The following GLDC variants were observed in gnomAD, a reference collection of about 807,000 sequenced individuals.
GLDC encodes glycine decarboxylase, also known as glycine dehydrogenase (decarboxylating), mitochondrial.
Under a neutral mutation model 121.3 loss-of-function variants are expected in GLDC, and 104 were observed. That is an observed-to-expected ratio of 0.86 (90% CI 0.73 to 1.01). The LOEUF (loss-of-function observed/expected upper bound fraction) is 1.01, where lower values mean the gene tolerates loss of function less well. GLDC is among the 50% of genes least tolerant of loss of function. The pLI, the probability that GLDC is intolerant of heterozygous loss-of-function variation, is 0.00. For synonymous variants in GLDC, 546 were observed against 480.6 expected (o/e 1.14, Z -1.78); for missense variants, 1,429 against 1,306.6 (o/e 1.09, Z -1.44).
chr9:6,638,493 G>A (rs537801999), intron 2 of GLDC, among the ~76,000 whole-genome samples: 1 of 152,242 alleles, frequency 6.6e-6, no homozygotes, highest in East Asian at 1.9e-4. Context: ...GGGATTATGG[G>A]CGTGAGTCAC....
chr9:6,532,820 A>G lies in GLDC; in HGVS notation c.*197T>C. 1.7e-6 allele frequency: 1 copy of G among 598,468 alleles called. No individual in the cohort carries two copies. Among genetic ancestry groups the G allele is most frequent in the Non-Finnish European group, 3.0e-6 (1 of 333,088 alleles). 37.1% of individuals were successfully genotyped at this position (598,468 alleles called of 1,614,324 possible). A position where few individuals can be genotyped will look rare whatever the true frequency, so the allele number is the denominator to read the frequency against. ...GGCACATGTGGAAGCAGAATACCAA[A>G]GCAAATCCGTCTTCCAACCATCAGC... On this transcript the variant is annotated 3_prime_UTR_variant, in exon 25 of 25. Coordinates refer to ENST00000321612, the MANE Select transcript of GLDC (RefSeq NM_000170.3).
At position 6,592,926 on chromosome 9, in the gene GLDC, A is replaced by G. The variant is rs775211390; in HGVS notation, c.1326T>C (p.Cys442=). The change falls in exon 10 of 25, where the codon TGT becomes TGC. Residue 442 remains cysteine (C), a synonymous_variant. Transcript: ENST00000321612. ...DLFFDTLKIQ[C]GCSVKEVLGR... is the part of the protein sequence containing the mutation. ...CCAAGACCTCCTTCACTGAGCAGCC[A>G]CACTGAATCTTCAAGGTATCAAAGA... 1.9e-6 allele frequency: 3 copies of G among 1,614,012 alleles called. No homozygotes were observed. The East Asian group carries it at 6.7e-5, about 36-fold the overall frequency.
At chr9:6,564,025 A>G (rs1348608402) in intron 16 of GLDC, among the ~76,000 whole-genome samples, 1 of 152,080 alleles carries the variant, frequency 6.6e-6, no homozygotes, top group African/African-American at 2.4e-5. Flanking sequence ...GGGCGGGTGG[A>G]TCACCTGAGG....
intron 23 of GLDC, among the ~76,000 whole-genome samples, chr9:6,535,089 T>G: frequency 6.6e-6 from 1 of 152,208 alleles, no homozygotes; most frequent in East Asian, 1.9e-4. Context: ...CCCATCCCAG[T>G]GCTAACCACT....
chr9:6,601,279 C>T (rs1313082071), intron 8 of GLDC, among the ~76,000 whole-genome samples: 1 of 152,210 alleles, frequency 6.6e-6, no homozygotes, highest in Non-Finnish European at 1.5e-5. Flanking sequence ...GCTTTGCCTT[C>T]CTCAACCCAT....
rs201758383 is a variant in GLDC at position 6,588,681 on chromosome 9, A to G, written c.1602T>C (p.Ile534=). ...VFNSYHSETN[I]VRYMKKLENK... The stretch of plus-strand genomic sequence containing the variant: ...TTTCCAGTTTCTTCATGTACCGGAC[A>G]ATGTTTGTTTCAGAGTGGTAGCTGT... Residue 534 remains isoleucine, a synonymous_variant, in exon 13 of 25, where the codon ATT becomes ATC. Coordinates refer to ENST00000321612, the MANE Select transcript of GLDC (RefSeq NM_000170.3). 6.2e-7 allele frequency: 1 copy of G among 1,613,358 alleles called. No homozygotes were observed. Among genetic ancestry groups the G allele is most frequent in the African/African-American group, 1.3e-5 (1 of 75,026 alleles).
chr9:6,599,720 C>CAAAAAAAAAAAAAAAAAAAAAAAA (rs549444099), intron 8 of GLDC, among the ~76,000 whole-genome samples: 2 of 120,770 alleles, frequency 1.7e-5, no homozygotes, highest in African/African-American at 6.7e-5. Flanking sequence ...GACTCCATCT[C>CAAAAAAAAAAAAAAAAAAAAAAAA]AAAAAAAAAA....
rs1385183318 is a variant in GLDC, at chr9:6,610,203, C to T, written c.624G>A (p.Gln208=). The T allele has an allele frequency of 6.2e-7, 1 of 1,611,404 alleles. No homozygotes were observed. Among genetic ancestry groups the T allele is most frequent in the South Asian group, 1.1e-5 (1 of 90,366 alleles). The change falls in exon 4 of 25, where the codon CAG becomes CAA. Residue 208 remains glutamine (Q), a synonymous_variant. Coordinates refer to ENST00000321612, the MANE Select transcript of GLDC (RefSeq NM_000170.3). Reference sequence around the variant, plus strand: ...GAGAGGCCTCTCACCTGTAGCACAGCTGCAGTGCCTCTGCGGCTGCAGTCC... The same window carrying T: ...GAGAGGCCTCTCACCTGTAGCACAGTTGCAGTGCCTCTGCGGCTGCAGTCC... ...DEGTAAAEAL[Q]LCYRHNKRRK... is the part of the protein sequence containing the mutation.
chr9:6,602,819 T>C (rs1029050994), intron 7 of GLDC, among the ~76,000 whole-genome samples: 3 of 152,102 alleles, frequency 2.0e-5, no homozygotes, highest in Admixed American at 6.5e-5. Flanking sequence ...AAAGTGGAAA[T>C]ATACGACAAA....
intron 15 of GLDC, among the ~76,000 whole-genome samples, chr9:6,583,202 T>G (rs923443639): frequency 1.6e-4 from 24 of 151,932 alleles, no homozygotes; most frequent in Admixed American, 1.2e-3. Context: ...ATCCAAAAAC[T>G]CCACTTCTGA....
intron 23 of GLDC, 118 bp downstream of exon 23, chr9:6,535,946 C>T: frequency 2.2e-6 from 2 of 898,440 alleles, no homozygotes; most frequent in East Asian, 2.4e-5. Context: ...AGAAGAATTA[C>T]CTTATTCTAG....
chr9:6,562,264 T>G (rs1254906132), intron 16 of GLDC, among the ~76,000 whole-genome samples: 1 of 152,190 alleles, frequency 6.6e-6, no homozygotes, highest in East Asian at 1.9e-4. Context: ...AGGCATTCCA[T>G]TTTAGGAACC....
Position 6,554,602 on chromosome 9 carries a change from G to C in GLDC, c.2315+67C>G, listed in dbSNP as rs149068409. 269 of 1,056,288 alleles carry C rather than the reference G, an allele frequency of 2.5e-4. 1 individual carries two copies. In the African/African-American group the frequency reaches 3.7e-3, roughly 14 times the overall value. 65.4% of individuals were successfully genotyped at this position (1,056,288 alleles called of 1,614,324 possible). ...CATGAAGACTTTGATGGGATGAGTA[G>C]TCTATTTAGGGCCACTCCTTCATTC... On this transcript the variant is annotated intron_variant, in intron 19 of 24. Coordinates refer to ENST00000321612, the MANE Select transcript of GLDC (RefSeq NM_000170.3).
At chr9:6,639,178 C>A (rs1587985877) in intron 2 of GLDC, 2 of 806,148 alleles carry the variant, frequency 2.5e-6, no homozygotes, top group East Asian at 4.8e-5. Context: ...CCTGCCCCTC[C>A]TAAAGCCGAA....
At chr9:6,587,743 T>G (rs551155910) in intron 14 of GLDC, among the ~76,000 whole-genome samples, 3 of 152,190 alleles carry the variant, frequency 2.0e-5, no homozygotes, top group African/African-American at 7.2e-5. Context: ...GTGGGAGGAC[T>G]GCTTGAGGCC....
intron 2 of GLDC, among the ~76,000 whole-genome samples, chr9:6,635,259 C>G (rs1819477491): frequency 1.3e-5 from 2 of 152,192 alleles, no homozygotes; most frequent in African/African-American, 2.4e-5. Context: ...CTACATCTGA[C>G]TCTCAATAAG....
chr9:6,617,475 A>AGG (rs1818988514), intron 3 of GLDC, among the ~76,000 whole-genome samples: 1 of 152,130 alleles, frequency 6.6e-6, no homozygotes, highest in African/African-American at 2.4e-5. Context: ...GCTTTTCTTA[A>AGG]GGGGGAAGAG....
Position 6,571,174 on chromosome 9 carries a change from A to T in GLDC, c.1851-5745T>A, listed in dbSNP as rs559042100. ...GTAACTGGAATAGCTACTTTTTTTA[A>T]AAAAAAAAGAAAGAAACTGGCACAA... On this transcript the variant is annotated intron_variant, in intron 15 of 24. Coordinates refer to ENST00000321612, the MANE Select transcript of GLDC (RefSeq NM_000170.3). Among the ~76,000 whole-genome samples, 503 of 151,414 alleles carry T rather than the reference A, an allele frequency of 3.3e-3. 8 individuals carry two copies. The highest frequency in any genetic ancestry group is 0.012 in the African/African-American group (478 of 41,340).
chr9:6,563,788 G>A (rs1429272269), intron 16 of GLDC, among the ~76,000 whole-genome samples: 1 of 152,072 alleles, frequency 6.6e-6, no homozygotes, highest in Non-Finnish European at 1.5e-5. Context: ...CCTTGACCAG[G>A]GTTTAATCAT....
Sources: gnomAD v4.1 joint callset for allele counts (sites outside exome capture counted in the v4.1 genomes callset) on GRCh38, gnomAD v4.1.1 for gene constraint, MANE v1.5 for transcripts, NCBI Gene and HGNC (gene_info 2026-07-23, HGNC 2026-07-21) for gene names.